ZRANB3: variants seen among roughly 807,000 people sequenced by gnomAD.
The protein encoded by ZRANB3 is zinc finger RANBP2-type containing 3.
Under a neutral mutation model 133.8 loss-of-function variants are expected in ZRANB3, and 125 were observed. The ratio of observed to expected loss-of-function variants is 0.93; its 90% CI spans 0.81 to 1.08. ZRANB3 has a LOEUF of 1.08. ZRANB3 is among the 50% of genes least tolerant of loss of function. ZRANB3 has a pLI of 0.00. For synonymous variants in ZRANB3, 387 were observed against 432.7 expected (o/e 0.89, Z 1.31); for missense variants, 1,229 against 1,275.5 (o/e 0.96, Z 0.56).
intron 17 of ZRANB3, among the ~76,000 whole-genome samples, chr2:135,210,572 G>A (rs1287135415): frequency 6.6e-6 from 1 of 151,902 alleles, no homozygotes; most frequent in Admixed American, 6.6e-5. Context: ...CAATTGATCC[G>A]CCTGTCTCAG....
At chr2:135,289,444 C>T (rs777902829) in intron 8 of ZRANB3, among the ~76,000 whole-genome samples, 7 of 151,984 alleles carry the variant, frequency 4.6e-5, no homozygotes, top group East Asian at 1.9e-4. Context: ...TTAGTAGCGA[C>T]GGGGTTTCAC....
intron 6 of ZRANB3, among the ~76,000 whole-genome samples, chr2:135,335,530 T>C (rs1031705809): frequency 6.6e-6 from 1 of 151,926 alleles, no homozygotes; most frequent in Non-Finnish European, 1.5e-5. Flanking sequence ...CTGTTTCCAC[T>C]AAAAATACAA....
intron 11 of ZRANB3, among the ~76,000 whole-genome samples, chr2:135,268,616 A>T (rs886075049): frequency 1.3e-5 from 2 of 152,122 alleles, no homozygotes; most frequent in Non-Finnish European, 2.9e-5. Context: ...TTAGCTTGGA[A>T]CTCAAGAATT....
rs554904238 is a variant in ZRANB3 at position 135,223,387 on chromosome 2, G to A, written c.2250+1039C>T. On this transcript the variant is annotated intron_variant, in intron 15 of 20. Coordinates refer to ENST00000264159, the MANE Select transcript of ZRANB3 (RefSeq NM_032143.4). ...GTCACCCAGGCTGGAGTGCAGTGGC[G>A]CGATCTTGGCTCACTGCAACCTCTG... is the stretch of plus-strand genomic sequence containing the variant. Among the ~76,000 whole-genome samples the A allele has an allele frequency of 8.0e-3, 1,197 of 149,460 alleles. 15 individuals carry two copies. Among genetic ancestry groups the A allele is most frequent in the African/African-American group, 0.027 (1,116 of 40,750 alleles).
intron 1 of ZRANB3, among the ~76,000 whole-genome samples, chr2:135,509,888 G>A (rs1461326100): frequency 6.6e-6 from 1 of 151,848 alleles, no homozygotes; most frequent in East Asian, 1.9e-4. Flanking sequence ...AAACATACCA[G>A]TGAGAATCAA....
At chr2:135,488,957 C>G (rs961958814) in intron 2 of ZRANB3, among the ~76,000 whole-genome samples, 2 of 151,484 alleles carry the variant, frequency 1.3e-5, no homozygotes, top group Admixed American at 6.6e-5. Context: ...CAATTACATA[C>G]AAAAATAGTG....
rs758816699 is a variant in ZRANB3, at chr2:135,207,479, C to A, written c.2964G>T (p.Lys988Asn). ...RLRDAPKSQR[K>N]NLLYATWTSK... is the part of the protein sequence containing the mutation. ...AAGTCCAGGTAGCATACAGAAGATT[C>A]TTCCTCTGACTTTTAGGGGCATCTC... The change falls in exon 19 of 21, where the codon AAG (lysine) becomes AAT (asparagine). Residue 988 changes from lysine (K) to asparagine (N), a missense_variant. Physicochemically the swap from Lys to Asn is moderately conservative, Grantham distance 94. Transcript: ENST00000264159. 5.0e-6 allele frequency: 8 copies of A among 1,613,696 alleles called. No individual in the cohort carries two copies. Among genetic ancestry groups the A allele is most frequent in the Non-Finnish European group, 6.8e-6 (8 of 1,179,824 alleles).
chr2:135,293,011 C>T (rs965662954), intron 8 of ZRANB3, among the ~76,000 whole-genome samples: 6 of 151,938 alleles, frequency 3.9e-5, no homozygotes, highest in Admixed American at 3.3e-4. Context: ...TGTAGTATAG[C>T]TTGAAGTCAG....
At chr2:135,366,379 A>G (rs1024285800) in intron 3 of ZRANB3, among the ~76,000 whole-genome samples, 1 of 152,214 alleles carries the variant, frequency 6.6e-6, no homozygotes, top group African/African-American at 2.4e-5. Context: ...GAAAAAGGAA[A>G]TAAGCAAGAG....
chr2:135,362,518 G>A (rs559399293), intron 3 of ZRANB3, among the ~76,000 whole-genome samples: 12 of 152,220 alleles, frequency 7.9e-5, no homozygotes, highest in Non-Finnish European at 1.3e-4. Flanking sequence ...GCACTGAGTC[G>A]GGGATGGTGG....
At chr2:135,324,044 T>C (rs1370639475) in intron 6 of ZRANB3, among the ~76,000 whole-genome samples, 1 of 152,064 alleles carries the variant, frequency 6.6e-6, no homozygotes, top group African/African-American at 2.4e-5. Context: ...GCTGGGATTA[T>C]AGGCATGAGC....
At chr2:135,464,233 A>G (rs1164121149) in intron 2 of ZRANB3, among the ~76,000 whole-genome samples, 1 of 152,160 alleles carries the variant, frequency 6.6e-6, no homozygotes, top group African/African-American at 2.4e-5. Context: ...GGAAAAGTAT[A>G]GGAGCTGAGG....
chr2:135,359,578 GA>G (rs570839628), intron 3 of ZRANB3, among the ~76,000 whole-genome samples: 4,533 of 90,458 alleles, frequency 0.05, 203 homozygotes, highest in African/African-American at 0.16. Context: ...ATGAGACCCT[GA>G]AAAAAAAAAA....
chr2:135,295,891 T>C lies in ZRANB3; in HGVS notation c.966+17598A>G, dbSNP rs572014155. ...GGTTGAAAATTCTTTTCTTTAAGAATGTTGAATATTGGCCCCCACTCTCTT... is the reference window on the plus strand; with the variant it reads ...GGTTGAAAATTCTTTTCTTTAAGAACGTTGAATATTGGCCCCCACTCTCTT... On this transcript the variant is annotated intron_variant, in intron 8 of 20. Transcript: ENST00000264159. Among the ~76,000 whole-genome samples the C allele has an allele frequency of 2.0e-4, 31 of 152,350 alleles. No homozygotes were observed. The South Asian group carries it at 6.0e-3, about 30-fold the overall frequency.
intron 6 of ZRANB3, among the ~76,000 whole-genome samples, chr2:135,328,323 T>C (rs1683946474): frequency 6.6e-6 from 1 of 151,950 alleles, no homozygotes. Flanking sequence ...GTGTTTGGTT[T>C]TCTGTCCTTG....
chr2:135,341,830 G>A (rs905024489), intron 6 of ZRANB3, among the ~76,000 whole-genome samples: 1 of 150,056 alleles, frequency 6.7e-6, no homozygotes, highest in African/African-American at 2.5e-5. Context: ...AGCGCCCCCA[G>A]GCTTACTAGG....
intron 2 of ZRANB3, among the ~76,000 whole-genome samples, chr2:135,493,960 T>C (rs1187639908): frequency 6.6e-6 from 1 of 151,626 alleles, no homozygotes; most frequent in Non-Finnish European, 1.5e-5. Context: ...TTATATTGAG[T>C]GAGAGAAGAT....
intron 3 of ZRANB3, among the ~76,000 whole-genome samples, chr2:135,374,620 G>T (rs2104903720): frequency 6.6e-6 from 1 of 150,524 alleles, no homozygotes; most frequent in Admixed American, 6.7e-5. Context: ...TCCTGCCTCA[G>T]CCTCCTGAGT....
intron 6 of ZRANB3, among the ~76,000 whole-genome samples, chr2:135,319,418 A>C (rs1683414352): frequency 6.6e-6 from 1 of 152,160 alleles, no homozygotes; most frequent in Non-Finnish European, 1.5e-5. Context: ...GTCTTTACTC[A>C]AGCATGGATG....
Sources: gnomAD v4.1 joint callset for allele counts (sites outside exome capture counted in the v4.1 genomes callset) on GRCh38, gnomAD v4.1.1 for gene constraint, MANE v1.5 for transcripts, NCBI Gene and HGNC (gene_info 2026-07-23, HGNC 2026-07-21) for gene names.